TCF7L1: variants seen among roughly 807,000 people sequenced by gnomAD.
TCF7L1 encodes the protein transcription factor 7-like 1.
In TCF7L1, 18 loss-of-function variants were observed where a neutral mutation model predicts 63.7. The observed-to-expected ratio is 0.28, with a 90% CI of 0.20 to 0.42. TCF7L1 has a LOEUF of 0.42. Ranked by LOEUF, TCF7L1 falls within the 10% of genes least tolerant of loss-of-function variation. The pLI, the probability that TCF7L1 is intolerant of heterozygous loss-of-function variation, is 1.00. For missense variants in TCF7L1, 654 were observed against 779.3 expected (o/e 0.84, Z 1.91); for synonymous variants, 355 against 340.9 (o/e 1.04, Z -0.46).
In TCF7L1 at chr2:85,134,791, A is replaced by G. The variant is rs967463009; in HGVS notation, c.441+341A>G. Reference sequence around the variant, plus strand: ...TCGCTTTCCTTCTTGGAAATCGGTCAGCTTTCTCTGGCAGTGGGGCAAGGG... The same window carrying G: ...TCGCTTTCCTTCTTGGAAATCGGTCGGCTTTCTCTGGCAGTGGGGCAAGGG... On this transcript the variant is annotated intron_variant, in intron 3 of 11. Transcript: ENST00000282111. The surrounding 1 kb of genome is among the most constrained non-coding windows in gnomAD (Gnocchi z 5.0). 6.6e-6 allele frequency among the ~76,000 whole-genome samples: 1 copy of G among 152,086 alleles called. No individual in the cohort carries two copies. Among genetic ancestry groups the G allele is most frequent in the African/African-American group, 2.4e-5 (1 of 41,410 alleles).
intron 4 of TCF7L1, among the ~76,000 whole-genome samples, chr2:85,284,688 C>A (rs756120523): frequency 1.2e-4 from 19 of 152,218 alleles, no homozygotes; most frequent in Non-Finnish European, 2.5e-4. Context: ...AAGGGACCCT[C>A]ATCCTGCATG....
At position 85,134,647 on chromosome 2, in the gene TCF7L1, T is replaced by G. The variant is rs1225644796; in HGVS notation, c.441+197T>G. ...TGCCTGGATGAAAGTAAAGTTACTT[T>G]AACTTTTCCCCTCTTGCGGGTTGAG... On this transcript the variant is annotated intron_variant, in intron 3 of 11. Transcript: ENST00000282111. The surrounding 1 kb of genome is among the most constrained non-coding windows in gnomAD (Gnocchi z 5.0). 6.6e-6 allele frequency among the ~76,000 whole-genome samples: 1 copy of G among 152,254 alleles called. No individual in the cohort carries two copies. Among genetic ancestry groups the G allele is most frequent in the East Asian group, 1.9e-4 (1 of 5,188 alleles).
At chr2:85,270,184 C>G (rs1681116525) in intron 3 of TCF7L1, among the ~76,000 whole-genome samples, 1 of 152,216 alleles carries the variant, frequency 6.6e-6, no homozygotes, top group African/African-American at 2.4e-5. Flanking sequence ...GCTTCCTGTT[C>G]CTCACTGATT....
At chr2:85,250,712 A>T (rs1014870642) in intron 3 of TCF7L1, among the ~76,000 whole-genome samples, 1 of 152,206 alleles carries the variant, frequency 6.6e-6, no homozygotes, top group Admixed American at 6.5e-5. Context: ...GTAGGATTAC[A>T]GGCGTGATCC....
intron 3 of TCF7L1, among the ~76,000 whole-genome samples, chr2:85,250,621 G>A (rs995554472): frequency 6.6e-6 from 1 of 152,102 alleles, no homozygotes; most frequent in Non-Finnish European, 1.5e-5. Context: ...ATTTTTAGTA[G>A]AGACAGGGTT....
intron 7 of TCF7L1, among the ~76,000 whole-genome samples, chr2:85,304,662 G>A (rs890415095): frequency 6.6e-6 from 1 of 152,274 alleles, no homozygotes; most frequent in Middle Eastern, 3.4e-3. Flanking sequence ...TAAACCCGTC[G>A]TACATTGAAA....
At position 85,305,376 on chromosome 2, in the gene TCF7L1, C is replaced by T. The variant is rs1268250560; in HGVS notation, c.962C>T (p.Pro321Leu). ...CCCATCGTCAAGCAGGAACCGGCAC[C>T]CCCCAGCCTGAGCCCTGCAGTGAGC... ...VSPIVKQEPA[P>L]PSLSPAVSVK... The change falls in exon 8 of 12, where the codon CCC becomes CTC. Residue 321 changes from proline to leucine, a missense_variant. Physicochemically the swap from Pro to Leu is moderately conservative, Grantham distance 98 (BLOSUM62 -3). Around this residue, in one of 3 missense-constraint regions of TCF7L1, gnomAD observed 404 missense variants for 454.8 expected, o/e 0.89. Transcript: ENST00000282111. The T allele has an allele frequency of 6.2e-7, 1 of 1,613,210 alleles. No individual in the cohort carries two copies. The highest frequency in any genetic ancestry group is 8.5e-7 in the Non-Finnish European group (1 of 1,179,678).
intron 3 of TCF7L1, among the ~76,000 whole-genome samples, chr2:85,187,794 C>G (rs1360036357): frequency 1.3e-5 from 2 of 152,150 alleles, no homozygotes; most frequent in Non-Finnish European, 2.9e-5. Context: ...TTTGGCTCTT[C>G]TAGGGCCTTT....
intron 3 of TCF7L1, among the ~76,000 whole-genome samples, chr2:85,192,708 T>C (rs540574336): frequency 2.7e-5 from 4 of 150,686 alleles, no homozygotes; most frequent in Non-Finnish European, 3.0e-5. Context: ...TTTTTTTTTT[T>C]AAGTGCACTG....
At chr2:85,307,510 T>C in intron 10 of TCF7L1, 132 bp from the exon 11 acceptor site, 2 of 696,318 alleles carry the variant, frequency 2.9e-6, no homozygotes, top group Non-Finnish European at 4.9e-6. Context: ...ATCTGAATTA[T>C]CTCTCCACAC....
chr2:85,180,854 G>C (rs906235926), intron 3 of TCF7L1, among the ~76,000 whole-genome samples: 1 of 152,166 alleles, frequency 6.6e-6, no homozygotes, highest in South Asian at 2.1e-4. Flanking sequence ...ATGATGTGCC[G>C]AGCATCTCAC....
chr2:85,241,714 G>T (rs1025031574), intron 3 of TCF7L1, among the ~76,000 whole-genome samples: 2 of 151,944 alleles, frequency 1.3e-5, no homozygotes, highest in Non-Finnish European at 2.9e-5. Flanking sequence ...TAAAGTGCTG[G>T]GATTATAGGC....
chr2:85,308,290 A>G lies in TCF7L1; in HGVS notation c.1333+573A>G, dbSNP rs74724983. On this transcript the variant is annotated intron_variant, in intron 11 of 11. Coordinates refer to ENST00000282111, the MANE Select transcript of TCF7L1 (RefSeq NM_031283.3). ...ACGCCCCCCATCTCATGCTCACTCC[A>G]GGACAAGTGTATCGCTGCTTGCACG... is the stretch of plus-strand genomic sequence containing the variant. Among the ~76,000 whole-genome samples, 36 of 144,134 alleles carry G rather than the reference A, an allele frequency of 2.5e-4. No homozygotes were observed. In the East Asian group the frequency reaches 6.6e-3, roughly 26 times the overall value. 94.6% of individuals were successfully genotyped at this position (144,134 alleles called of 152,430 possible). A position where few individuals can be genotyped will look rare whatever the true frequency, so the allele number is the denominator to read the frequency against.
At chr2:85,235,356 C>T (rs973517938) in intron 3 of TCF7L1, among the ~76,000 whole-genome samples, 3 of 151,396 alleles carry the variant, frequency 2.0e-5, no homozygotes, top group Non-Finnish European at 4.4e-5. Context: ...CCTGTCTCCC[C>T]GAAGCCATTT....
chr2:85,243,040 C>T (rs17712582), intron 3 of TCF7L1, among the ~76,000 whole-genome samples: 5,790 of 152,304 alleles, frequency 0.038, 159 homozygotes, highest in Non-Finnish European at 0.057. Flanking sequence ...CAATTGGCTT[C>T]TAGTTGAACC....
chr2:85,223,964 T>C (rs1394533032), intron 3 of TCF7L1, among the ~76,000 whole-genome samples: 1 of 152,074 alleles, frequency 6.6e-6, no homozygotes, highest in Non-Finnish European at 1.5e-5. Flanking sequence ...CAGGCCCTGG[T>C]GTGTGATGTT....
At chr2:85,168,626 C>CTT (rs555310607) in intron 3 of TCF7L1, among the ~76,000 whole-genome samples, 5 of 145,376 alleles carry the variant, frequency 3.4e-5, no homozygotes, top group Non-Finnish European at 6.1e-5. Flanking sequence ...GTAAATACGA[C>CTT]TTTTTTTTTT....
At chr2:85,172,717 C>T (rs1003051456) in intron 3 of TCF7L1, among the ~76,000 whole-genome samples, 11 of 152,316 alleles carry the variant, frequency 7.2e-5, no homozygotes, top group South Asian at 4.1e-4. Flanking sequence ...TGAGCCACCG[C>T]GCCCGGCCAC....
At chr2:85,145,005 G>A (rs1428573005) in intron 3 of TCF7L1, among the ~76,000 whole-genome samples, 4 of 150,694 alleles carry the variant, frequency 2.7e-5, no homozygotes, top group African/African-American at 9.8e-5. Flanking sequence ...GAATTGCTTG[G>A]ACCCGGGAGG....
Sources: allele counts gnomAD v4.1 joint callset (sites outside exome capture counted in the v4.1 genomes callset), GRCh38; gene constraint gnomAD v4.1.1; regional missense constraint gnomAD v4.1.1; non-coding constraint Gnocchi (gnomAD v3.1); transcripts MANE v1.5; gene names NCBI Gene and HGNC (gene_info 2026-07-23, HGNC 2026-07-21).